Variants in ZNG1A observed in about 807,000 individuals in gnomAD.
ZNG1A encodes the protein zinc-regulated GTPase metalloprotein activator 1A.
chr9:170,462 C>T, the ZNG1A span, among the ~76,000 whole-genome samples: 12 of 150,626 alleles, frequency 8.0e-5, no homozygotes, highest in African/African-American at 2.5e-4. Flanking sequence ...CTCGGCTCAC[C>T]GCAACCTCCG....
the ZNG1A span, among the ~76,000 whole-genome samples, chr9:173,655 C>G: frequency 6.6e-6 from 1 of 152,088 alleles, no homozygotes; most frequent in African/African-American, 2.4e-5. Context: ...AATAAAGTAG[C>G]TATCTTGAAG....
At chr9:157,160 G>T in the ZNG1A span, among the ~76,000 whole-genome samples, 1 of 130,820 alleles carries the variant, frequency 7.6e-6, no homozygotes, top group South Asian at 2.7e-4. Context: ...TGCTAATCTG[G>T]CCTCTCAGTG....
chr9:161,590 T>G, the ZNG1A span: 1 of 1,286,600 alleles, frequency 7.8e-7, no homozygotes, highest in Non-Finnish European at 1.0e-6. Flanking sequence ...ATCCATATGC[T>G]CAGATTGGGA....
chr9:165,131 C>T, the ZNG1A span, among the ~76,000 whole-genome samples: 2 of 152,076 alleles, frequency 1.3e-5, no homozygotes, highest in Non-Finnish European at 2.9e-5. Flanking sequence ...GTCTCCAAAA[C>T]GGGAAACAAC....
chr9:140,014 G>A, the ZNG1A span, among the ~76,000 whole-genome samples: 14 of 150,584 alleles, frequency 9.3e-5, 1 homozygote, highest in South Asian at 2.1e-4. Context: ...AGGGTCCCAC[G>A]CCCACAGAGT....
the ZNG1A span, among the ~76,000 whole-genome samples, chr9:157,689 T>C: frequency 4.5e-5 from 6 of 134,032 alleles, no homozygotes; most frequent in Non-Finnish European, 6.4e-5. Flanking sequence ...TCAAGTAAAA[T>C]GACATAATTT....
chr9:159,050 T>C, the ZNG1A span, among the ~76,000 whole-genome samples: 1 of 151,506 alleles, frequency 6.6e-6, no homozygotes, highest in African/African-American at 2.4e-5. Context: ...AAAATGGAAA[T>C]TTTGGCATTC....
At chr9:162,740 A>C in the ZNG1A span, among the ~76,000 whole-genome samples, 3 of 150,968 alleles carry the variant, frequency 2.0e-5, no homozygotes, top group African/African-American at 7.4e-5. Context: ...AAATAAGAAA[A>C]TAAGATTTCC....
chr9:141,625 T>C, the ZNG1A span, among the ~76,000 whole-genome samples: 30,642 of 146,900 alleles, frequency 0.21, 3,008 homozygotes, highest in East Asian at 0.38. Context: ...AGGAAGAAAC[T>C]GCATCAACTA....
the ZNG1A span, among the ~76,000 whole-genome samples, chr9:135,345 T>C: frequency 7.4e-6 from 1 of 135,836 alleles, no homozygotes; most frequent in Admixed American, 7.5e-5. Context: ...TTCCAACAGG[T>C]TTAATACAAA....
the ZNG1A span, among the ~76,000 whole-genome samples, chr9:163,645 G>A: frequency 7.2e-5 from 11 of 152,022 alleles, no homozygotes; most frequent in Admixed American, 4.6e-4. Context: ...GGCAGGGTGT[G>A]GTGGCTCACG....
the ZNG1A span, among the ~76,000 whole-genome samples, chr9:137,546 C>T: frequency 2.0e-5 from 3 of 152,088 alleles, no homozygotes; most frequent in Non-Finnish European, 2.9e-5. Context: ...ACTAGTGAAA[C>T]AGCACTGATA....
the ZNG1A span, among the ~76,000 whole-genome samples, chr9:175,540 C>G: frequency 6.7e-6 from 1 of 150,182 alleles, no homozygotes; most frequent in East Asian, 1.9e-4. Context: ...TATCTCAACC[C>G]ATATAAATCT....
the ZNG1A span, chr9:154,440 A>G: frequency 2.0e-6 from 1 of 511,202 alleles, no homozygotes; most frequent in Non-Finnish European, 3.4e-6. Flanking sequence ...GGAAAGAGTC[A>G]AAGAGAAGAC....
At chr9:157,434 G>T in the ZNG1A span, among the ~76,000 whole-genome samples, 1 of 127,998 alleles carries the variant, frequency 7.8e-6, no homozygotes, top group Non-Finnish European at 1.6e-5. Context: ...GGCTACTGAG[G>T]TTTAGAGGCA....
the ZNG1A span, chr9:156,509 G>C: frequency 6.3e-7 from 1 of 1,595,448 alleles, no homozygotes; most frequent in Admixed American, 1.7e-5. Context: ...AGGCCATCAG[G>C]TTTCTCTTCT....
the ZNG1A span, among the ~76,000 whole-genome samples, chr9:140,598 G>T: frequency 6.7e-6 from 1 of 148,738 alleles, no homozygotes; most frequent in Non-Finnish European, 1.5e-5. Context: ...ACTCTAAAAA[G>T]CAGAGCGCCT....
the ZNG1A span, among the ~76,000 whole-genome samples, chr9:157,779 A>G: frequency 6.8e-5 from 10 of 146,784 alleles, no homozygotes; most frequent in Non-Finnish European, 1.4e-4. Context: ...ATCATATATC[A>G]GAGCCAAACC....
the ZNG1A span, among the ~76,000 whole-genome samples, chr9:164,942 C>T: frequency 6.6e-6 from 1 of 152,016 alleles, no homozygotes; most frequent in Non-Finnish European, 1.5e-5. Context: ...CAAGATATAG[C>T]AAGGGCCACA....
Sources: gnomAD v4.1 joint callset for allele counts (sites outside exome capture counted in the v4.1 genomes callset) on GRCh38, gnomAD v4.1.1 for gene constraint, MANE v1.5 for transcripts, NCBI Gene and HGNC (gene_info 2026-07-23, HGNC 2026-07-21) for gene names.